ATP8B3: variants seen among roughly 807,000 people sequenced by gnomAD.
The protein encoded by ATP8B3 is phospholipid-transporting ATPase IK.
Under a neutral mutation model 140.9 loss-of-function variants are expected in ATP8B3, and 141 were observed. The observed-to-expected ratio is 1.00, with a 90% CI of 0.87 to 1.15. The LOEUF (loss-of-function observed/expected upper bound fraction) is 1.15, where lower values mean the gene tolerates loss of function less well. Among genes scored for constraint, ATP8B3 ranks in the 50% most tolerant of loss-of-function variants. The probability of loss-of-function intolerance (pLI) is 0.00; values close to 1 mark genes in which losing one functional copy is unlikely to be tolerated. For missense variants in ATP8B3, 1,874 were observed against 1,740.6 expected (o/e 1.08, Z -1.36); for synonymous variants, 765 against 714.6 (o/e 1.07, Z -1.13).
intron 14 of ATP8B3, 119 bp from the exon 15 acceptor site, chr19:1,797,124 C>T: frequency 1.4e-6 from 2 of 1,476,174 alleles, no homozygotes; most frequent in Non-Finnish European, 1.9e-6. Flanking sequence ...ACAAGCCAGG[C>T]CTGTGGCCCT....
Position 1,790,810 on chromosome 19 carries a change from G to C in ATP8B3, c.2325C>G (p.Phe775Leu), listed in dbSNP as rs200737974. The C allele has an allele frequency of 1.7e-5, 28 of 1,602,492 alleles. 1 individual carries two copies. In the Admixed American group the frequency reaches 3.2e-4, roughly 18 times the overall value. Residue 775 changes from phenylalanine to leucine, a missense_variant, in exon 21 of 29, where the codon TTC becomes TTG. Transcript: ENST00000310127. ...TATTCTCTGACAGCAGCTCGCAGGC[G>C]AAGCCGATGTTCACAGCCGTTTCTG... The part of the protein sequence containing the change: ...DKQETAVNIG[F>L]ACELLSENML...
intron 14 of ATP8B3, among the ~76,000 whole-genome samples, chr19:1,798,312 G>A (rs1568642015): frequency 6.6e-6 from 1 of 151,938 alleles, no homozygotes; most frequent in Non-Finnish European, 1.5e-5. Context: ...CAAACCACGT[G>A]CCCTGGTTAT....
chr19:1,802,806 T>C (rs867035984), intron 10 of ATP8B3, among the ~76,000 whole-genome samples, 161 bp from the exon 11 acceptor site: 33 of 152,108 alleles, frequency 2.2e-4, no homozygotes, highest in African/African-American at 7.7e-4. Flanking sequence ...TCCAAAGCCT[T>C]CCTGTCCCCA....
chr19:1,791,945 C>CG, intron 19 of ATP8B3, 56 bp downstream of exon 19: 3 of 1,577,366 alleles, frequency 1.9e-6, no homozygotes, highest in Non-Finnish European at 2.6e-6. Flanking sequence ...CCAGGGCCCC[C>CG]TTGGGTGCCC....
At chr19:1,802,407 A>ACCCCCCCCCCCCCCCC in intron 11 of ATP8B3, 80 bp downstream of exon 11, 1 of 318,102 alleles carries the variant, frequency 3.1e-6, no homozygotes, top group Non-Finnish European at 6.0e-6. Flanking sequence ...CCACCCACCT[A>ACCCCCCCCCCCCCCCC]CCCACCCACC....
chr19:1,812,019 C>A, intron 1 of ATP8B3, 135 bp from the exon 2 acceptor site: 1 of 446,394 alleles, frequency 2.2e-6, no homozygotes, highest in Non-Finnish European at 4.0e-6. Flanking sequence ...GACAGGGCTC[C>A]AGAGTCCAGG....
chr19:1,785,445 C>T lies in ATP8B3; in HGVS notation c.3393+24G>A, dbSNP rs753504584. ...CCTCCATAGGCCATGTCCAAGGCCC[C>T]GGGGAGGTGAGGACCTTGCCCACCT... On this transcript the variant is annotated intron_variant, in intron 26 of 28. Coordinates refer to ENST00000310127, the MANE Select transcript of ATP8B3 (RefSeq NM_138813.4). 217 of 1,609,006 alleles carry T rather than the reference C, an allele frequency of 1.3e-4. 3 individuals carry two copies. In the Admixed American group the frequency reaches 3.5e-3, roughly 26 times the overall value.
At position 1,811,625 on chromosome 19, in the gene ATP8B3, A is replaced by AG; in HGVS notation, c.111dup (p.Ser38LeufsTer10). 6.2e-7 allele frequency: 1 copy of AG among 1,611,778 alleles called. No individual in the cohort carries two copies. Among genetic ancestry groups the AG allele is most frequent in the Non-Finnish European group, 8.5e-7 (1 of 1,179,778 alleles). On this transcript the variant is annotated frameshift_variant, in exon 2 of 29. Coordinates refer to ENST00000310127, the MANE Select transcript of ATP8B3 (RefSeq NM_138813.4). LOFTEE classifies it high-confidence loss of function. ...CCTCCGCGGATGCCAGCAGGACCTG[A>AG]GCCTTCCTGAGTCACGTCTGAGTCA... is the stretch of plus-strand genomic sequence containing the variant.
chr19:1,809,577 A>T, intron 4 of ATP8B3, 66 bp downstream of exon 4: 1 of 1,435,032 alleles, frequency 7.0e-7, no homozygotes, highest in Non-Finnish European at 9.6e-7. Flanking sequence ...AGGAGCAAAA[A>T]ATAGATTCCC....
At chr19:1,802,440 G>T (rs749935399) in intron 11 of ATP8B3, 47 bp downstream of exon 11, 2 of 447,432 alleles carry the variant, frequency 4.5e-6, no homozygotes, top group East Asian at 1.2e-4. Context: ...CATCTACCAC[G>T]CTCCCATCAG....
chr19:1,783,390 C>T (rs1476961264), intron 28 of ATP8B3, 120 bp from the exon 29 acceptor site: 94 of 1,306,494 alleles, frequency 7.2e-5, no homozygotes, highest in Non-Finnish European at 9.3e-5. Context: ...TGGCTACGTT[C>T]TTCCCTACCC....
chr19:1,801,982 G>A lies in ATP8B3; in HGVS notation c.1126C>T (p.Leu376Phe), dbSNP rs1164074301. Residue 376 changes from leucine (L) to phenylalanine (F), a missense_variant, in exon 12 of 29, where the codon CTC (leucine) becomes TTC (phenylalanine). Coordinates refer to ENST00000310127, the MANE Select transcript of ATP8B3 (RefSeq NM_138813.4). ...KIHLKRTKLD[L>F]LMNKLVVVIF... ...ACAACCACCAGCTTGTTCATCAGGA[G>A]GTCCAGCTTGGTTCTCTTCAAATGG... 2 of 1,612,562 alleles carry A rather than the reference G, an allele frequency of 1.2e-6. No individual in the cohort carries two copies. Among genetic ancestry groups the A allele is most frequent in the Non-Finnish European group, 1.7e-6 (2 of 1,179,618 alleles).
chr19:1,799,994 T>C lies in ATP8B3; in HGVS notation c.1505A>G (p.Gln502Arg), dbSNP rs1193530849. The change falls in exon 14 of 29, where the codon CAG (glutamine) becomes CGG (arginine). Residue 502 changes from glutamine to arginine, a missense_variant. Coordinates refer to ENST00000310127, the MANE Select transcript of ATP8B3 (RefSeq NM_138813.4). ...IFSDKTGTLT[Q>R]NILTFNKCCI... ...GCACTTGTTGAAGGTCAAGATGTTC[T>C]GCGTGAGCGTGCCCGTCTTGTCCGA... 16 of 1,606,294 alleles carry C rather than the reference T, an allele frequency of 1.0e-5. No individual in the cohort carries two copies. Among genetic ancestry groups the C allele is most frequent in the Non-Finnish European group, 1.3e-5 (15 of 1,176,726 alleles).
rs566053722 is a variant in ATP8B3, at chr19:1,791,020, T to A, written c.2303-188A>T. Among the ~76,000 whole-genome samples, 64 of 152,276 alleles carry A rather than the reference T, an allele frequency of 4.2e-4. 1 individual carries two copies. The highest frequency in any genetic ancestry group is 3.4e-3 in the Middle Eastern group (1 of 294). The stretch of plus-strand genomic sequence containing the variant: ...CACCAATGAGAGCCAGCCCTGAGAT[T>A]TTGGCTGTAGTTCTGGCCGGGACTG... On this transcript the variant is annotated intron_variant, in intron 20 of 28. Coordinates refer to ENST00000310127, the MANE Select transcript of ATP8B3 (RefSeq NM_138813.4).
At position 1,796,082 on chromosome 19, in the gene ATP8B3, A is replaced by ACCGACAT. The variant is rs1229165190; in HGVS notation, c.1930_1936dup (p.Val646AspfsTer61). The ACCGACAT allele has an allele frequency of 3.1e-6, 5 of 1,612,744 alleles. No homozygotes were observed. The highest frequency in any genetic ancestry group is 3.4e-6 in the Non-Finnish European group (4 of 1,179,740). ...GCTTGGGTGGCGGGGCTCACCCAGCACCGACATCCGTTTGCGCGTGCTGTT... is the reference window on the plus strand; with the variant it reads ...GCTTGGGTGGCGGGGCTCACCCAGCACCGACATCCGACATCCGTTTGCGCGTGCTGTT... On this transcript the variant is annotated frameshift_variant, in exon 17 of 29. Coordinates refer to ENST00000310127, the MANE Select transcript of ATP8B3 (RefSeq NM_138813.4). LOFTEE classifies it high-confidence loss of function.
Position 1,806,736 on chromosome 19 carries a change from C to A in ATP8B3, c.616-47G>T. On this transcript the variant is annotated intron_variant, in intron 6 of 28. Coordinates refer to ENST00000310127, the MANE Select transcript of ATP8B3 (RefSeq NM_138813.4). This position sits in a 1 kb window ranked among gnomAD's most constrained non-coding sequence, Gnocchi z 5.6. ...CAGAGAGACCGTCCAGCCTCTCCTG[C>A]CCCCGCCCAGGCCGCTGCCGCACTG... 1 of 1,541,900 alleles carries A rather than the reference C, an allele frequency of 6.5e-7. No individual in the cohort carries two copies. The highest frequency in any genetic ancestry group is 8.8e-7 in the Non-Finnish European group (1 of 1,139,326).
At chr19:1,785,875 A>C (rs1015686383) in intron 25 of ATP8B3, among the ~76,000 whole-genome samples, 167 bp from the exon 26 acceptor site, 3 of 152,156 alleles carry the variant, frequency 2.0e-5, no homozygotes, top group Admixed American at 2.0e-4. Flanking sequence ...ACACGCCTGT[A>C]ATCTCAGCAC....
At chr19:1,787,282 A>C in intron 24 of ATP8B3, 96 bp from the exon 25 acceptor site, 1 of 1,023,462 alleles carries the variant, frequency 9.8e-7, no homozygotes, top group Non-Finnish European at 1.5e-6. Context: ...GGGTGAGGTA[A>C]CTCTGGTCGA....
At chr19:1,796,901 G>A (rs1160594786) in intron 15 of ATP8B3, 22 bp from the exon 16 acceptor site, 1 of 1,610,566 alleles carries the variant, frequency 6.2e-7, no homozygotes, top group East Asian at 2.2e-5. Context: ...GGGGGCACGG[G>A]CCGGCTGTGG....
Sources: gnomAD v4.1 joint callset for allele counts (sites outside exome capture counted in the v4.1 genomes callset) on GRCh38, gnomAD v4.1.1 for gene constraint, Gnocchi (gnomAD v3.1) non-coding constraint, MANE v1.5 for transcripts, NCBI Gene and HGNC (gene_info 2026-07-23, HGNC 2026-07-21) for gene names.